SPRY3: variants seen among roughly 807,000 people sequenced by gnomAD.
SPRY3 encodes the protein protein sprouty homolog 3.
In SPRY3, 15 loss-of-function variants were observed where a neutral mutation model predicts 20.2. The observed-to-expected ratio is 0.74, with a 90% CI of 0.50 to 1.14. SPRY3 has a LOEUF of 1.14. Ranked by LOEUF, SPRY3 falls within the 50% of genes most tolerant of loss-of-function variation. SPRY3 has a pLI of 0.00. For missense variants in SPRY3, 364 were observed against 363.9 expected, an observed-to-expected ratio of 1.00 and a Z score of 0.00; for synonymous variants, 143 against 136.5, an observed-to-expected ratio of 1.05 and a Z score of -0.33.
chrX:155,774,558 C>T (rs764850441), exon 4 of SPRY3: 1 of 1,613,986 alleles, frequency 6.2e-7, no homozygotes, highest in South Asian at 1.1e-5. Context: ...GCCTCATCTC[C>T]CTCTTCCTAC....
intron 2 of SPRY3, among the ~76,000 whole-genome samples, chrX:155,690,325 C>T (rs1776681275): frequency 1.1e-5 from 1 of 88,231 alleles, no homozygotes; most frequent in Admixed American, 1.2e-4. Flanking sequence ...ATGTCTGTCA[C>T]GTTAATTACA....
At chrX:155,711,356 T>C (rs1226664433) in intron 2 of SPRY3, among the ~76,000 whole-genome samples, 4 of 151,884 alleles carry the variant, frequency 2.6e-5, no homozygotes, top group Non-Finnish European at 5.9e-5. Context: ...GTTCAGGTTT[T>C]GGATTTCTTC....
At chrX:155,706,611 A>G in intron 2 of SPRY3, among the ~76,000 whole-genome samples, 1 of 151,122 alleles carries the variant, frequency 6.6e-6, no homozygotes, top group East Asian at 1.9e-4. Context: ...TGATCAAGAA[A>G]AAAAAAATCA....
chrX:155,738,229 G>T (rs1165058251), intron 2 of SPRY3, among the ~76,000 whole-genome samples: 1 of 151,772 alleles, frequency 6.6e-6, no homozygotes, highest in Non-Finnish European at 1.5e-5. Flanking sequence ...CTGGGAAAAA[G>T]ATGTTAAGAG....
intron 2 of SPRY3, among the ~76,000 whole-genome samples, chrX:155,719,786 A>T: frequency 6.6e-6 from 1 of 152,172 alleles, no homozygotes. Flanking sequence ...TCACCTGCTA[A>T]TTAAAGAGCC....
At chrX:155,637,195 A>C (rs1301168943) in intron 1 of SPRY3, among the ~76,000 whole-genome samples, 2 of 110,579 alleles carry the variant, frequency 1.8e-5, no homozygotes, top group Non-Finnish European at 3.8e-5. Flanking sequence ...AATAATTAAT[A>C]AAAAAATTAA....
chrX:155,708,936 T>C (rs2090969263), intron 2 of SPRY3, among the ~76,000 whole-genome samples: 1 of 151,494 alleles, frequency 6.6e-6, no homozygotes, highest in African/African-American at 2.4e-5. Flanking sequence ...TCTTCTATAC[T>C]CTATCTCCAT....
chrX:155,735,396 C>T (rs2091161623), intron 2 of SPRY3, among the ~76,000 whole-genome samples: 1 of 152,080 alleles, frequency 6.6e-6, no homozygotes, highest in Non-Finnish European at 1.5e-5. Context: ...CCTGCTGAAT[C>T]TGTTGCTTTT....
chrX:155,717,870 G>A (rs1386386375), intron 2 of SPRY3, among the ~76,000 whole-genome samples: 1 of 152,090 alleles, frequency 6.6e-6, no homozygotes, highest in East Asian at 1.9e-4. Context: ...AAACATATGT[G>A]TGCATGTGTC....
In SPRY3 at chrX:155,738,803, A is replaced by G. The variant is rs749439983; in HGVS notation, c.-281-29159A>G. Among the ~76,000 whole-genome samples the G allele has an allele frequency of 2.6e-5, 4 of 152,348 alleles. No individual in the cohort carries two copies. In the South Asian group the frequency reaches 8.3e-4, roughly 32 times the overall value. Reference sequence around the variant, plus strand: ...TAGAGTCTCAGCAAAGTAGCTGATCAGGCACACACAGAGACACAGGAGCTT... The same window carrying G: ...TAGAGTCTCAGCAAAGTAGCTGATCGGGCACACACAGAGACACAGGAGCTT... On this transcript the variant is annotated intron_variant, in intron 2 of 3. Coordinates refer to ENST00000675360, the Ensembl canonical transcript of SPRY3.
At chrX:155,683,945 C>G (rs1392007245) in intron 2 of SPRY3, among the ~76,000 whole-genome samples, 1 of 110,220 alleles carries the variant, frequency 9.1e-6, no homozygotes, top group African/African-American at 3.3e-5. Flanking sequence ...GTCCTGGAAG[C>G]CAGCAAAGAA....
intron 2 of SPRY3, among the ~76,000 whole-genome samples, chrX:155,687,713 T>C (rs1278399394): frequency 8.9e-6 from 1 of 112,384 alleles, no homozygotes; most frequent in Non-Finnish European, 1.9e-5. Context: ...TGTCTATTAC[T>C]TGAACGAGAT....
chrX:155,725,900 AT>A (rs1230555216), intron 2 of SPRY3, among the ~76,000 whole-genome samples: 2 of 151,988 alleles, frequency 1.3e-5, no homozygotes, highest in African/African-American at 2.4e-5. Flanking sequence ...AGTTCTTTTA[AT>A]TGTGATGTTA....
At chrX:155,779,380 C>G (rs1415615163), downstream of SPRY3, 1 of 166,964 alleles carries the variant, frequency 6.0e-6, no homozygotes, top group Non-Finnish European at 1.5e-5. Flanking sequence ...AACCTACCAC[C>G]TTTAAAGTAA....
chrX:155,615,745 G>T (rs2067849190), intron 1 of SPRY3, among the ~76,000 whole-genome samples: 1 of 111,518 alleles, frequency 9.0e-6, no homozygotes, highest in Non-Finnish European at 1.9e-5. Flanking sequence ...ATATTAATTT[G>T]TGTTTCGGTT....
chrX:155,644,794 G>C, intron 1 of SPRY3, among the ~76,000 whole-genome samples: 1 of 111,100 alleles, frequency 9.0e-6, no homozygotes, highest in South Asian at 3.9e-4. Context: ...CCAAGGCCTA[G>C]AATCAGGGAC....
At chrX:155,684,434 T>C (rs976386455) in intron 2 of SPRY3, among the ~76,000 whole-genome samples, 10 of 111,514 alleles carry the variant, frequency 9.0e-5, no homozygotes, top group African/African-American at 2.9e-4. Context: ...AAATGTATGC[T>C]TTTCACAATT....
At chrX:155,752,913 C>T in intron 2 of SPRY3, among the ~76,000 whole-genome samples, 1 of 151,716 alleles carries the variant, frequency 6.6e-6, no homozygotes, top group Middle Eastern at 3.4e-3. Context: ...CACAAATATC[C>T]AAAATACATG....
At chrX:155,750,728 A>G (rs1048779450) in intron 2 of SPRY3, among the ~76,000 whole-genome samples, 1 of 151,858 alleles carries the variant, frequency 6.6e-6, no homozygotes, top group Non-Finnish European at 1.5e-5. Flanking sequence ...AGGTTTAAGG[A>G]GAGAGCAGAT....
Sources: allele counts gnomAD v4.1 joint callset (sites outside exome capture counted in the v4.1 genomes callset), GRCh38; gene constraint gnomAD v4.1.1; transcripts MANE v1.5; gene names NCBI Gene and HGNC (gene_info 2026-07-23, HGNC 2026-07-21).